Variants in ARHGAP18 observed in about 807,000 individuals in gnomAD.
ARHGAP18 encodes the protein rho GTPase-activating protein 18.
ARHGAP18 carries 67 observed loss-of-function variants against 86.2 expected under a neutral mutation model. The observed-to-expected ratio is 0.78, with a 90% CI of 0.64 to 0.95. The LOEUF (loss-of-function observed/expected upper bound fraction) is 0.95. Ranked by LOEUF, ARHGAP18 falls within the 40% of genes least tolerant of loss-of-function variation. ARHGAP18 has a pLI of 0.00. For synonymous variants in ARHGAP18, 283 were observed against 280.4 expected (o/e 1.01, Z -0.09); for missense variants, 691 against 780.4 (o/e 0.89, Z 1.37).
chr6:129,602,090 A>C (rs964481799), intron 10 of ARHGAP18, among the ~76,000 whole-genome samples: 2 of 152,148 alleles, frequency 1.3e-5, no homozygotes, highest in Admixed American at 1.3e-4. Context: ...CCCTACTCTA[A>C]CATGACTTAA....
chr6:129,630,643 A>G (rs1222369716), intron 4 of ARHGAP18, among the ~76,000 whole-genome samples: 1 of 152,218 alleles, frequency 6.6e-6, no homozygotes, highest in Admixed American at 6.5e-5. Context: ...TGCCTGTTTT[A>G]ATCAAAATCA....
At chr6:129,658,273 G>T (rs917037347) in intron 1 of ARHGAP18, among the ~76,000 whole-genome samples, 1 of 152,192 alleles carries the variant, frequency 6.6e-6, no homozygotes, top group Non-Finnish European at 1.5e-5. Flanking sequence ...GAAGTGGCAA[G>T]CAAGGACCTC....
At chr6:129,703,574 A>C (rs1774753463) in intron 1 of ARHGAP18, among the ~76,000 whole-genome samples, 1 of 152,266 alleles carries the variant, frequency 6.6e-6, no homozygotes, top group Non-Finnish European at 1.5e-5. Flanking sequence ...TAAAAGTTCT[A>C]TGAAGATAAT....
chr6:129,609,546 C>T lies in ARHGAP18; in HGVS notation c.1123-1494G>A, dbSNP rs1051585211. On this transcript the variant is annotated intron_variant, in intron 8 of 14. Coordinates refer to ENST00000368149, the MANE Select transcript of ARHGAP18 (RefSeq NM_033515.3). Reference sequence around the variant, plus strand: ...ACTCGGTGAATTGAGGACTATCTTGCCAATGTGGGTAATATGAAGTTATGT... The same window carrying T: ...ACTCGGTGAATTGAGGACTATCTTGTCAATGTGGGTAATATGAAGTTATGT... 5.3e-5 allele frequency among the ~76,000 whole-genome samples: 8 copies of T among 152,264 alleles called. No individual in the cohort carries two copies. In the South Asian group the frequency reaches 1.5e-3, roughly 28 times the overall value.
intron 14 of ARHGAP18, among the ~76,000 whole-genome samples, 191 bp from the exon 15 acceptor site, chr6:129,578,795 C>T (rs1788230813): frequency 6.6e-6 from 1 of 152,056 alleles, no homozygotes; most frequent in South Asian, 2.1e-4. Context: ...GAAACCCCAT[C>T]TCTACAAAAA....
intron 1 of ARHGAP18, among the ~76,000 whole-genome samples, chr6:129,685,954 A>C (rs1309607937): frequency 6.6e-6 from 1 of 152,152 alleles, no homozygotes; most frequent in East Asian, 1.9e-4. Flanking sequence ...AAGCAAGTTG[A>C]CCCCACTGTA....
intron 12 of ARHGAP18, among the ~76,000 whole-genome samples, chr6:129,598,461 A>ATGG (rs1247645157): frequency 2.6e-5 from 4 of 152,184 alleles, no homozygotes; most frequent in African/African-American, 9.7e-5. Context: ...AACAACTTCA[A>ATGG]TGGTGGTGGT....
intron 1 of ARHGAP18, among the ~76,000 whole-genome samples, chr6:129,679,663 C>T (rs950418596): frequency 6.6e-6 from 1 of 152,190 alleles, no homozygotes; most frequent in African/African-American, 2.4e-5. Context: ...AAGTAAACAA[C>T]AGGGTGTTCT....
Position 129,710,041 on chromosome 6 carries a change from C to T in ARHGAP18, c.96G>A (p.Gly32=), listed in dbSNP as rs1037819420. The part of the protein sequence containing the change: ...QTVGNSHAKA[G]EEATSSRRYG... ...AGGCTTACCTCGAGGTGGCTTCCTC[C>T]CCTGCCTTTGCATGGCTGTTCCCGA... The change falls in exon 1 of 15, where the codon GGG becomes GGA. Residue 32 remains glycine (G), a synonymous_variant. Coordinates refer to ENST00000368149, the MANE Select transcript of ARHGAP18 (RefSeq NM_033515.3). 9.3e-6 allele frequency: 15 copies of T among 1,613,910 alleles called. No homozygotes were observed. Among genetic ancestry groups the T allele is most frequent in the Non-Finnish European group, 1.2e-5 (14 of 1,179,908 alleles).
intron 13 of ARHGAP18, among the ~76,000 whole-genome samples, chr6:129,581,500 G>A (rs551260915): frequency 4.5e-4 from 68 of 152,216 alleles, no homozygotes; most frequent in African/African-American, 1.6e-3. Context: ...CAAATTGAAT[G>A]TTTCAGGAGA....
intron 1 of ARHGAP18, among the ~76,000 whole-genome samples, chr6:129,704,810 A>G (rs1171736393): frequency 6.6e-6 from 1 of 152,204 alleles, no homozygotes; most frequent in East Asian, 1.9e-4. Context: ...CCACTCCCTC[A>G]ATGGCTTCCC....
chr6:129,605,812 AC>A, intron 10 of ARHGAP18, 64 bp downstream of exon 10: 2 of 1,433,758 alleles, frequency 1.4e-6, no homozygotes, highest in Non-Finnish European at 2.0e-6. Context: ...TTGTTTTGCC[AC>A]AAATAATGAA....
At chr6:129,676,973 G>A (rs570886810) in intron 1 of ARHGAP18, among the ~76,000 whole-genome samples, 62 of 132,642 alleles carry the variant, frequency 4.7e-4, no homozygotes, top group African/African-American at 1.8e-3. Flanking sequence ...GAGGATTCCG[G>A]GACAGTAACA....
chr6:129,675,126 T>C (rs942058711), intron 1 of ARHGAP18, among the ~76,000 whole-genome samples: 1 of 152,138 alleles, frequency 6.6e-6, no homozygotes, highest in Non-Finnish European at 1.5e-5. Flanking sequence ...AATGTGTCAG[T>C]TGAGAAACAG....
At chr6:129,702,210 T>C (rs1482939532) in intron 1 of ARHGAP18, among the ~76,000 whole-genome samples, 3 of 152,124 alleles carry the variant, frequency 2.0e-5, no homozygotes, top group African/African-American at 7.2e-5. Context: ...GTCACACGGG[T>C]CTCCATGGTT....
Position 129,599,273 on chromosome 6 carries a change from C to G in ARHGAP18, c.1656G>C (p.Leu552=). 1 of 1,596,228 alleles carries G rather than the reference C, an allele frequency of 6.3e-7. No homozygotes were observed. Among genetic ancestry groups the G allele is most frequent in the African/African-American group, 1.4e-5 (1 of 73,740 alleles). ...KKDKRAMKKL[L]KKMAYDREKY... is the part of the protein sequence containing the mutation. The stretch of plus-strand genomic sequence containing the variant: ...TTTCTCGGTCATAAGCCATTTTCTT[C>G]AGCAATTTCTTCATGGCTCTTTTAT... Residue 552 remains leucine, a synonymous_variant, in exon 12 of 15, where the codon CTG becomes CTC. Transcript: ENST00000368149.
At chr6:129,603,235 C>A (rs931609126) in intron 10 of ARHGAP18, among the ~76,000 whole-genome samples, 1 of 152,056 alleles carries the variant, frequency 6.6e-6, no homozygotes, top group African/African-American at 2.4e-5. Context: ...TAAGTGAGAA[C>A]ATGCAATATT....
intron 1 of ARHGAP18, among the ~76,000 whole-genome samples, chr6:129,669,956 A>G (rs1774113236): frequency 6.6e-6 from 1 of 152,198 alleles, no homozygotes; most frequent in African/African-American, 2.4e-5. Context: ...TGCTAAATAT[A>G]TTCACTATGA....
At chr6:129,614,604 G>T (rs1439571403) in intron 7 of ARHGAP18, among the ~76,000 whole-genome samples, 1 of 152,112 alleles carries the variant, frequency 6.6e-6, no homozygotes, top group Admixed American at 6.5e-5. Flanking sequence ...ATCCTCAGCC[G>T]GATCACGTGG....
Sources: allele counts gnomAD v4.1 joint callset (sites outside exome capture counted in the v4.1 genomes callset), GRCh38; gene constraint gnomAD v4.1.1; transcripts MANE v1.5; gene names NCBI Gene and HGNC (gene_info 2026-07-23, HGNC 2026-07-21).